The following KLHL32 variants were observed in gnomAD, a reference collection of about 807,000 sequenced individuals.
KLHL32 encodes kelch like family member 32.
A neutral mutation model predicts 64.8 loss-of-function variants in KLHL32; 35 were observed. That is an observed-to-expected ratio of 0.54 (90% CI 0.41 to 0.72). The LOEUF is 0.72. KLHL32 is among the 30% of genes least tolerant of loss of function. KLHL32 has a pLI of 0.00. For missense variants in KLHL32, 589 were observed against 768.5 expected (o/e 0.77, Z 2.76); for synonymous variants, 259 against 281.0 (o/e 0.92, Z 0.78).
intron 3 of KLHL32, among the ~76,000 whole-genome samples, chr6:96,997,946 G>A (rs1176877662): frequency 6.6e-6 from 1 of 152,146 alleles, no homozygotes; most frequent in African/African-American, 2.4e-5. Context: ...TGGTTGCTTT[G>A]TAGACTCTTC....
chr6:97,037,769 A>G (rs1784514085), intron 3 of KLHL32, among the ~76,000 whole-genome samples: 1 of 152,182 alleles, frequency 6.6e-6, no homozygotes, highest in Non-Finnish European at 1.5e-5. Context: ...AGATATCACA[A>G]TGTACTACAA....
chr6:96,930,470 T>G (rs1429411201), intron 1 of KLHL32, among the ~76,000 whole-genome samples: 1 of 152,192 alleles, frequency 6.6e-6, no homozygotes, highest in African/African-American at 2.4e-5. Context: ...TGGAGTTGTT[T>G]TAAGATTAAA....
intron 3 of KLHL32, among the ~76,000 whole-genome samples, chr6:96,988,216 C>G (rs1177487192): frequency 2.6e-5 from 4 of 151,918 alleles, no homozygotes; most frequent in Admixed American, 2.0e-4. Context: ...TGATAAAGGG[C>G]TAATATCCAG....
chr6:96,947,440 A>T (rs1259817267), intron 1 of KLHL32, among the ~76,000 whole-genome samples: 1 of 152,176 alleles, frequency 6.6e-6, no homozygotes, highest in Non-Finnish European at 1.5e-5. Context: ...ACATCGATAC[A>T]ATTTATTTCT....
intron 5 of KLHL32, among the ~76,000 whole-genome samples, chr6:97,068,034 A>G (rs981131087): frequency 2.0e-5 from 3 of 151,472 alleles, no homozygotes; most frequent in Non-Finnish European, 4.4e-5. Context: ...ACACACACAC[A>G]TACACACACC....
At chr6:96,912,179 A>T in the KLHL32 span, among the ~76,000 whole-genome samples, 1 of 151,934 alleles carries the variant, frequency 6.6e-6, no homozygotes, top group Non-Finnish European at 1.5e-5. Flanking sequence ...AAGGCAGAAA[A>T]CTGGCAGCAT....
intron 1 of KLHL32, among the ~76,000 whole-genome samples, chr6:96,937,282 C>T (rs1021123857): frequency 3.9e-5 from 6 of 152,210 alleles, no homozygotes; most frequent in African/African-American, 9.7e-5. Flanking sequence ...TACATCTGTA[C>T]ATTTGCCTGT....
chr6:97,014,445 C>T (rs1780862608), intron 3 of KLHL32, among the ~76,000 whole-genome samples: 1 of 151,716 alleles, frequency 6.6e-6, no homozygotes, highest in African/African-American at 2.4e-5. Context: ...AATATTAGGG[C>T]TACTACTCAA....
intron 3 of KLHL32, among the ~76,000 whole-genome samples, chr6:97,036,571 G>A (rs1447065572): frequency 6.6e-6 from 1 of 152,152 alleles, no homozygotes; most frequent in Non-Finnish European, 1.5e-5. Flanking sequence ...GGGGTGTGTG[G>A]TGGTTCTTAA....
intron 3 of KLHL32, among the ~76,000 whole-genome samples, chr6:96,993,011 A>G (rs1385261235): frequency 3.9e-5 from 6 of 152,220 alleles, no homozygotes; most frequent in Non-Finnish European, 2.9e-5. Flanking sequence ...GATTGTTCAG[A>G]TGGAGAAAGC....
chr6:97,019,841 G>A (rs1158210758), intron 3 of KLHL32, among the ~76,000 whole-genome samples: 2 of 151,692 alleles, frequency 1.3e-5, no homozygotes, highest in African/African-American at 2.4e-5. Flanking sequence ...GTGCAGTGGC[G>A]CGATCTTGGC....
chr6:96,918,255 A>G, the KLHL32 span, among the ~76,000 whole-genome samples: 13 of 152,328 alleles, frequency 8.5e-5, no homozygotes, highest in African/African-American at 2.9e-4. Flanking sequence ...TAGGTAAAAT[A>G]CCTTTGAGAG....
chr6:96,984,435 T>G (rs1238696716), intron 3 of KLHL32, among the ~76,000 whole-genome samples: 1 of 152,082 alleles, frequency 6.6e-6, no homozygotes, highest in African/African-American at 2.4e-5. Flanking sequence ...TGGATATCCT[T>G]GTTAACTGTC....
At chr6:96,987,104 TTCTTTATTAG>T (rs1393903865) in intron 3 of KLHL32, among the ~76,000 whole-genome samples, 2 of 152,236 alleles carry the variant, frequency 1.3e-5, no homozygotes, top group East Asian at 3.8e-4. Context: ...CTCTCTTTTC[TTCTTTATTAG>T]TCTTGCTAGC....
chr6:96,926,555 C>G (rs185711157), intron 1 of KLHL32, among the ~76,000 whole-genome samples: 1 of 152,232 alleles, frequency 6.6e-6, no homozygotes, highest in East Asian at 1.9e-4. Context: ...ATGGGGAAGC[C>G]CTTTCTGGAT....
At chr6:97,020,367 C>T (rs1781824303) in intron 3 of KLHL32, among the ~76,000 whole-genome samples, 1 of 150,716 alleles carries the variant, frequency 6.6e-6, no homozygotes, top group Admixed American at 6.6e-5. Context: ...ATAATGATTA[C>T]CAGAAATACT....
At chr6:97,079,723 A>G (rs888142139) in intron 5 of KLHL32, among the ~76,000 whole-genome samples, 18 of 152,238 alleles carry the variant, frequency 1.2e-4, no homozygotes, top group South Asian at 2.1e-4. Flanking sequence ...AAGGAATAAG[A>G]GAAGCCAAAT....
At chr6:97,022,953 T>A in intron 3 of KLHL32, among the ~76,000 whole-genome samples, 1 of 152,200 alleles carries the variant, frequency 6.6e-6, no homozygotes, top group Non-Finnish European at 1.5e-5. Context: ...AGCACTTTCT[T>A]CACAAGGTGG....
intron 6 of KLHL32, among the ~76,000 whole-genome samples, chr6:97,097,899 A>G (rs1795204903): frequency 6.6e-6 from 1 of 152,172 alleles, no homozygotes; most frequent in Non-Finnish European, 1.5e-5. Context: ...CAAAATGGGC[A>G]CATATATGAA....
Sources: allele counts gnomAD v4.1 joint callset (sites outside exome capture counted in the v4.1 genomes callset), GRCh38; gene constraint gnomAD v4.1.1; transcripts MANE v1.5; gene names NCBI Gene and HGNC (gene_info 2026-07-23, HGNC 2026-07-21).